CLINT1: variants seen among roughly 807,000 people sequenced by gnomAD.
CLINT1 encodes clathrin interactor 1.
Under a neutral mutation model 70.4 loss-of-function variants are expected in CLINT1, and 15 were observed. The observed-to-expected ratio is 0.21, with a 90% confidence interval of 0.14 to 0.33. The LOEUF (loss-of-function observed/expected upper bound fraction) is 0.33. CLINT1 is among the 10% of genes least tolerant of loss of function. The pLI is 1.00. For missense variants in CLINT1, 615 were observed against 778.1 expected (o/e 0.79, Z 2.49); for synonymous variants, 227 against 254.7 (o/e 0.89, Z 1.04).
chr5:157,820,074 A>C (rs1209497000), intron 1 of CLINT1, among the ~76,000 whole-genome samples: 1 of 152,228 alleles, frequency 6.6e-6, no homozygotes, highest in Non-Finnish European at 1.5e-5. Flanking sequence ...ATAGTTATTA[A>C]GTATATCCAC....
intron 1 of CLINT1, among the ~76,000 whole-genome samples, chr5:157,832,439 A>G (rs1763276794): frequency 6.6e-6 from 1 of 152,192 alleles, no homozygotes; most frequent in African/African-American, 2.4e-5. Flanking sequence ...TGTCACTGGG[A>G]TATTTGATAC....
In CLINT1 at chr5:157,859,085, TC is replaced by T. The variant is rs1753860764; in HGVS notation, c.-116del. The T allele has an allele frequency of 1.7e-6, 2 of 1,144,294 alleles. No homozygotes were observed. The highest frequency in any genetic ancestry group is 2.5e-6 in the Non-Finnish European group (2 of 804,512). The allele number at this position is 1,144,294 out of a possible 1,614,324, so 70.9% of individuals were successfully genotyped here. ...GTCACCGCCGCCCGCCGCCTCGAACTCCCCCAGTCAGCTCCTTCCTTTGCCA... is the reference window on the plus strand; with the variant it reads ...GTCACCGCCGCCCGCCGCCTCGAACTCCCCAGTCAGCTCCTTCCTTTGCCA... On this transcript the variant is annotated 5_prime_UTR_variant, in exon 1 of 12. Transcript: ENST00000411809.
At chr5:157,855,170 G>A (rs1227786680) in intron 1 of CLINT1, among the ~76,000 whole-genome samples, 1 of 70,778 alleles carries the variant, frequency 1.4e-5, no homozygotes, top group Non-Finnish European at 2.5e-5. Context: ...GGGGGGGGGC[G>A]GGTCACTGAT....
intron 5 of CLINT1, among the ~76,000 whole-genome samples, chr5:157,811,410 G>C (rs1762553799): frequency 6.6e-6 from 1 of 152,008 alleles, no homozygotes; most frequent in African/African-American, 2.4e-5. Context: ...GCTCACGCCT[G>C]TGGTCCCAGC....
At chr5:157,818,226 G>C (rs1762779339) in intron 1 of CLINT1, among the ~76,000 whole-genome samples, 1 of 151,998 alleles carries the variant, frequency 6.6e-6, no homozygotes, top group African/African-American at 2.4e-5. Flanking sequence ...TGGGCCTCAG[G>C]AGTCAGAAAG....
intron 1 of CLINT1, among the ~76,000 whole-genome samples, chr5:157,825,655 C>T (rs1039607908): frequency 2.6e-5 from 4 of 152,250 alleles, no homozygotes; most frequent in Non-Finnish European, 5.9e-5. Flanking sequence ...TGTTCAAAAA[C>T]ACCACTTCCA....
At position 157,858,170 on chromosome 5, in the gene CLINT1, A is replaced by C. The variant is rs1561682579; in HGVS notation, c.41+760T>G. 2.0e-5 allele frequency among the ~76,000 whole-genome samples: 3 copies of C among 152,202 alleles called. 1 individual carries two copies. Among genetic ancestry groups the C allele is most frequent in the Non-Finnish European group, 4.4e-5 (3 of 68,030 alleles). On this transcript the variant is annotated intron_variant, in intron 1 of 11. Transcript: ENST00000411809. ...CTGCTTTTAAAAGCAGATCAACAGG[A>C]TATAAACCTGGGTTGTTTTTTTCCT... is the stretch of plus-strand genomic sequence containing the variant.
At chr5:157,831,166 G>A (rs1173488723) in intron 1 of CLINT1, among the ~76,000 whole-genome samples, 1 of 150,756 alleles carries the variant, frequency 6.6e-6, no homozygotes, top group Admixed American at 6.6e-5. Context: ...ATGTTAAACA[G>A]CTTTCTTTTT....
chr5:157,826,961 T>C (rs545115265), intron 1 of CLINT1, among the ~76,000 whole-genome samples: 1 of 152,252 alleles, frequency 6.6e-6, no homozygotes, highest in Non-Finnish European at 1.5e-5. Context: ...ATTTAGGAAA[T>C]ACATGGTAAC....
chr5:157,828,751 G>A (rs1297208315), intron 1 of CLINT1, among the ~76,000 whole-genome samples: 1 of 151,844 alleles, frequency 6.6e-6, no homozygotes, highest in East Asian at 1.9e-4. Context: ...TAACTCCCCT[G>A]ACTCAGCAGT....
rs1472973813 is a variant in CLINT1 at position 157,821,746 on chromosome 5, T to C, written c.42-4199A>G. On this transcript the variant is annotated intron_variant, in intron 1 of 11. Coordinates refer to ENST00000411809, the MANE Select transcript of CLINT1 (RefSeq NM_014666.4). ...ACAACTACTGGGTAGTTCAGCAGTATAACTGGCTAACAATACCAAATCTTA... is the reference window on the plus strand; with the variant it reads ...ACAACTACTGGGTAGTTCAGCAGTACAACTGGCTAACAATACCAAATCTTA... Among the ~76,000 whole-genome samples the C allele has an allele frequency of 5.3e-5, 8 of 152,166 alleles. No individual in the cohort carries two copies. In the East Asian group the frequency reaches 1.5e-3, roughly 29 times the overall value.
chr5:157,858,777 G>A lies in CLINT1; in HGVS notation c.41+153C>T, dbSNP rs1462226779. Among the ~76,000 whole-genome samples the A allele has an allele frequency of 5.9e-5, 9 of 152,308 alleles. No homozygotes were observed. The East Asian group carries it at 1.7e-3, about 29-fold the overall frequency. The stretch of plus-strand genomic sequence containing the variant: ...TCCCCAGCCTCGCCAGCGGGGATGA[G>A]GCCCGGGGCCGGGAAGGAGCGGGCC... On this transcript the variant is annotated intron_variant, in intron 1 of 11. Transcript: ENST00000411809.
intron 4 of CLINT1, among the ~76,000 whole-genome samples, chr5:157,813,815 T>C (rs1762631720): frequency 6.6e-6 from 1 of 152,192 alleles, no homozygotes; most frequent in South Asian, 2.1e-4. Flanking sequence ...ACAGTAAATA[T>C]TATTTGGTGG....
At chr5:157,826,365 T>A (rs761837526) in intron 1 of CLINT1, among the ~76,000 whole-genome samples, 2 of 152,208 alleles carry the variant, frequency 1.3e-5, no homozygotes, top group Admixed American at 6.5e-5. Flanking sequence ...TGATTCTACA[T>A]AGATTTGACT....
Position 157,814,216 on chromosome 5 carries a change from A to G in CLINT1, c.321T>C (p.Asp107=). 6.2e-7 allele frequency: 1 copy of G among 1,610,096 alleles called. No homozygotes were observed. Among genetic ancestry groups the G allele is most frequent in the Non-Finnish European group, 8.5e-7 (1 of 1,178,232 alleles). The part of the protein sequence containing the change: ...VVTSAREHIY[D]LRSLENYHFV... ...AGTGGTAATTTTCCAGGGATCGTAA[A>G]TCATAAATGTGTTCTCTGGCACTTG... Residue 107 remains aspartate (D), a synonymous_variant, in exon 4 of 12, where the codon GAT becomes GAC. Transcript: ENST00000411809.
At chr5:157,803,402 CAAACAAA>C (rs1190475180) in intron 8 of CLINT1, among the ~76,000 whole-genome samples, 3 of 152,070 alleles carry the variant, frequency 2.0e-5, no homozygotes, top group Non-Finnish European at 4.4e-5. Context: ...GTACTGACCA[CAAACAAA>C]GTTTTGCTAG....
chr5:157,788,387 T>C (rs1250965823), intron 11 of CLINT1, among the ~76,000 whole-genome samples: 1 of 152,182 alleles, frequency 6.6e-6, no homozygotes, highest in Admixed American at 6.5e-5. Flanking sequence ...AGTATGAAGA[T>C]TTATACAAAA....
chr5:157,802,845 C>T (rs1037262567), intron 8 of CLINT1, among the ~76,000 whole-genome samples: 34 of 152,240 alleles, frequency 2.2e-4, no homozygotes, highest in Middle Eastern at 6.8e-3. Context: ...CACGCCCAGC[C>T]GCCCTCTTTA....
At chr5:157,837,665 G>GTTTT in intron 1 of CLINT1, among the ~76,000 whole-genome samples, 1 of 39,194 alleles carries the variant, frequency 2.6e-5, no homozygotes. Context: ...TTTTTTTTGA[G>GTTTT]ACGGAGTCTC....
Sources: allele counts gnomAD v4.1 joint callset (sites outside exome capture counted in the v4.1 genomes callset), GRCh38; gene constraint gnomAD v4.1.1; transcripts MANE v1.5; gene names NCBI Gene and HGNC (gene_info 2026-07-23, HGNC 2026-07-21).